Variants in CNTLN observed in about 807,000 individuals in gnomAD.
The protein encoded by CNTLN is centlein, centrosomal protein.
In CNTLN, 212 loss-of-function variants were observed where a neutral mutation model predicts 180.0. The ratio of observed to expected loss-of-function variants is 1.18; its 90% CI spans 1.05 to 1.32. The LOEUF is 1.32. Ranked by LOEUF, CNTLN falls within the 40% of genes most tolerant of loss-of-function variation. CNTLN has a pLI of 0.00. For missense variants in CNTLN, 2,095 were observed against 1,610.9 expected, an observed-to-expected ratio of 1.30 and a Z score of -5.14; for synonymous variants, 722 against 563.1, an observed-to-expected ratio of 1.28 and a Z score of -3.99.
chr9:17,342,730 T>A (rs866003970), intron 12 of CNTLN, among the ~76,000 whole-genome samples: 2 of 152,136 alleles, frequency 1.3e-5, no homozygotes, highest in South Asian at 2.1e-4. Flanking sequence ...TAGCCTGTAT[T>A]TTAGACGCTG....
chr9:17,212,891 G>A (rs181128008), intron 2 of CNTLN, among the ~76,000 whole-genome samples: 6 of 151,934 alleles, frequency 3.9e-5, no homozygotes, highest in African/African-American at 9.7e-5. Flanking sequence ...CTGTGGGATC[G>A]GTGGTGATAT....
intron 6 of CNTLN, among the ~76,000 whole-genome samples, chr9:17,296,887 C>A (rs1029346839): frequency 6.6e-6 from 1 of 152,200 alleles, no homozygotes; most frequent in African/African-American, 2.4e-5. Flanking sequence ...TGCTCCCATA[C>A]TAATTTTCAT....
chr9:17,346,361 C>T (rs915578410), intron 12 of CNTLN, among the ~76,000 whole-genome samples: 12 of 152,102 alleles, frequency 7.9e-5, no homozygotes, highest in Admixed American at 3.9e-4. Context: ...GAACTGCCCC[C>T]GTGATCCAGT....
the CNTLN span, among the ~76,000 whole-genome samples, chr9:17,526,075 A>T: frequency 6.6e-6 from 1 of 152,096 alleles, no homozygotes; most frequent in East Asian, 1.9e-4. Flanking sequence ...AGCTGAGACT[A>T]CAGGTGCCCA....
At chr9:17,488,202 T>C (rs972158088) in intron 25 of CNTLN, among the ~76,000 whole-genome samples, 2 of 152,176 alleles carry the variant, frequency 1.3e-5, no homozygotes, top group Non-Finnish European at 2.9e-5. Context: ...CAGTTTGATA[T>C]ATTTTTGAAA....
intron 6 of CNTLN, among the ~76,000 whole-genome samples, chr9:17,282,564 T>C (rs1828729576): frequency 6.6e-6 from 1 of 152,228 alleles, no homozygotes; most frequent in Admixed American, 6.5e-5. Context: ...TAGTTTCTTT[T>C]GTTGTGCAGA....
At chr9:17,513,997 C>T in the CNTLN span, among the ~76,000 whole-genome samples, 41 of 152,140 alleles carry the variant, frequency 2.7e-4, no homozygotes, top group Non-Finnish European at 5.9e-5. Flanking sequence ...ATAAATAACC[C>T]AGATTCACTT....
chr9:17,180,018 T>C (rs1178777375), intron 2 of CNTLN, among the ~76,000 whole-genome samples: 1 of 152,042 alleles, frequency 6.6e-6, no homozygotes, highest in African/African-American at 2.4e-5. Context: ...ATTACATATC[T>C]TTTTTCCTTC....
intron 5 of CNTLN, among the ~76,000 whole-genome samples, chr9:17,239,264 G>A (rs530772215): frequency 5.9e-5 from 9 of 152,198 alleles, no homozygotes; most frequent in African/African-American, 2.2e-4. Context: ...AATCATTGTG[G>A]TTTTGATTTG....
At chr9:17,435,106 C>T (rs768681033) in intron 18 of CNTLN, among the ~76,000 whole-genome samples, 10 of 152,098 alleles carry the variant, frequency 6.6e-5, no homozygotes, top group African/African-American at 1.2e-4. Flanking sequence ...CCTGACTGTA[C>T]GAGACTAGAA....
In CNTLN at chr9:17,135,477, C is replaced by CTGTGGGGAGGCG. The variant is rs1248681078; in HGVS notation, c.360+52_360+53insTGTGGGGAGGCG. Reference sequence around the variant, plus strand: ...TTCCCCACCACAGCGGGGCCGGGACCCGTGGGGAGGCGCGCCTTTCTCCCT... The same window carrying CTGTGGGGAGGCG: ...TTCCCCACCACAGCGGGGCCGGGACCTGTGGGGAGGCGCGTGGGGAGGCGCGCCTTTCTCCCT... On this transcript the variant is annotated intron_variant, in intron 1 of 25. Coordinates refer to ENST00000380647, the MANE Select transcript of CNTLN (RefSeq NM_017738.4). 4 of 1,539,102 alleles carry CTGTGGGGAGGCG rather than the reference C, an allele frequency of 2.6e-6. No homozygotes were observed. In the Admixed American group the frequency reaches 8.1e-5, roughly 31 times the overall value.
intron 2 of CNTLN, among the ~76,000 whole-genome samples, chr9:17,207,867 G>C (rs1416621346): frequency 1.3e-5 from 2 of 152,030 alleles, no homozygotes; most frequent in African/African-American, 4.8e-5. Flanking sequence ...TTTTCTTGTG[G>C]AGTCTTTAGG....
chr9:17,258,379 A>T (rs982968071), intron 5 of CNTLN, among the ~76,000 whole-genome samples: 15 of 150,964 alleles, frequency 9.9e-5, no homozygotes, highest in African/African-American at 2.0e-4. Context: ...TGGTTACTGT[A>T]GCCTTGTAGT....
intron 12 of CNTLN, among the ~76,000 whole-genome samples, chr9:17,357,579 C>CATATATATATATATATAAATACTACAT (rs370275927): frequency 8.3e-6 from 1 of 120,914 alleles, no homozygotes. Context: ...ATAAATACTA[C>CATATATATATATATATAAATACTACAT]ATATATATAT....
At chr9:17,339,565 A>G (rs998079107) in intron 10 of CNTLN, among the ~76,000 whole-genome samples, 3 of 152,370 alleles carry the variant, frequency 2.0e-5, no homozygotes, top group Non-Finnish European at 2.9e-5. Context: ...AATGGAATTC[A>G]GATCTTTCTG....
At chr9:17,462,117 G>A (rs1336716673) in intron 19 of CNTLN, among the ~76,000 whole-genome samples, 1 of 151,710 alleles carries the variant, frequency 6.6e-6, no homozygotes, top group African/African-American at 2.4e-5. Context: ...CCGAAACATC[G>A]TGGCTTAAAA....
intron 6 of CNTLN, among the ~76,000 whole-genome samples, chr9:17,291,818 A>G (rs953594304): frequency 1.3e-5 from 2 of 152,114 alleles, no homozygotes; most frequent in African/African-American, 4.8e-5. Flanking sequence ...TAAGGTTAAT[A>G]TTGTTGTCTG....
intron 18 of CNTLN, among the ~76,000 whole-genome samples, chr9:17,429,390 A>T (rs1829279515): frequency 6.6e-6 from 1 of 152,056 alleles, no homozygotes; most frequent in Admixed American, 6.6e-5. Context: ...TACAGCTGTA[A>T]TTGTTGCTTA....
intron 20 of CNTLN, among the ~76,000 whole-genome samples, chr9:17,463,642 G>A (rs536864324): frequency 4.5e-4 from 68 of 151,634 alleles, no homozygotes; most frequent in African/African-American, 1.3e-3. Flanking sequence ...ACTTAAAAGT[G>A]ATATGAATAG....
Sources: allele counts gnomAD v4.1 joint callset (sites outside exome capture counted in the v4.1 genomes callset), GRCh38; gene constraint gnomAD v4.1.1; transcripts MANE v1.5; gene names NCBI Gene and HGNC (gene_info 2026-07-23, HGNC 2026-07-21).